PARD3B: variants seen among roughly 807,000 people sequenced by gnomAD.
The protein encoded by PARD3B is partitioning defective 3 homolog B.
In PARD3B, 103 loss-of-function variants were observed where a neutral mutation model predicts 130.2. The ratio of observed to expected loss-of-function variants is 0.79; its 90% CI spans 0.67 to 0.93. The LOEUF (loss-of-function observed/expected upper bound fraction) is 0.93. Ranked by LOEUF, PARD3B falls within the 40% of genes least tolerant of loss-of-function variation. The pLI, the probability that PARD3B is intolerant of heterozygous loss-of-function variation, is 0.00. For missense variants in PARD3B, 1,609 were observed against 1,499.2 expected, an observed-to-expected ratio of 1.07 and a Z score of -1.21; for synonymous variants, 583 against 553.2, an observed-to-expected ratio of 1.05 and a Z score of -0.76.
rs1253818887 is a variant in PARD3B, at chr2:205,268,589, A to G, written c.2185+22767A>G. 1.3e-5 allele frequency among the ~76,000 whole-genome samples: 2 copies of G among 152,208 alleles called. No individual in the cohort carries two copies. The highest frequency in any genetic ancestry group is 1.9e-4 in the East Asian group (1 of 5,198). On this transcript the variant is annotated intron_variant, in intron 16 of 22. Transcript: ENST00000406610. This position sits in a 1 kb window ranked among gnomAD's most constrained non-coding sequence, Gnocchi z 4.1. ...ATCAGGTGGAAAGTGCTCTAATGCC[A>G]CTAGTATTAGGAGGCGGTAATTTGC...
chr2:204,973,579 A>C (rs1422476890), intron 3 of PARD3B, among the ~76,000 whole-genome samples: 1 of 151,826 alleles, frequency 6.6e-6, no homozygotes, highest in Non-Finnish European at 1.5e-5. Context: ...CAGGCAAAAA[A>C]AAAAAAAATC....
At chr2:204,980,949 G>T (rs978986016) in intron 3 of PARD3B, among the ~76,000 whole-genome samples, 1 of 152,122 alleles carries the variant, frequency 6.6e-6, no homozygotes, top group Non-Finnish European at 1.5e-5. Context: ...AATTAGTTTT[G>T]ACATACATAC....
chr2:204,986,587 A>C (rs962687188), intron 3 of PARD3B, among the ~76,000 whole-genome samples: 3 of 152,212 alleles, frequency 2.0e-5, no homozygotes, highest in African/African-American at 7.2e-5. Flanking sequence ...TACGCAATTA[A>C]TACTATATAT....
At chr2:205,130,521 G>A (rs891610610) in intron 10 of PARD3B, among the ~76,000 whole-genome samples, 1 of 152,144 alleles carries the variant, frequency 6.6e-6, no homozygotes, top group Non-Finnish European at 1.5e-5. Context: ...TGCTATGTAT[G>A]TGTGTGTACA....
chr2:204,757,433 T>G (rs1464049244), intron 2 of PARD3B, among the ~76,000 whole-genome samples: 3 of 152,188 alleles, frequency 2.0e-5, no homozygotes, highest in African/African-American at 7.2e-5. Context: ...CTTTTTGACC[T>G]TCTTATAGTA....
At chr2:205,243,023 G>A (rs1362924205) in intron 15 of PARD3B, among the ~76,000 whole-genome samples, 1 of 152,122 alleles carries the variant, frequency 6.6e-6, no homozygotes, top group Admixed American at 6.6e-5. Context: ...AAAATTAGCA[G>A]GGCATGGTGG....
chr2:204,887,301 A>G lies in PARD3B; in HGVS notation c.223-77851A>G, dbSNP rs182239479. On this transcript the variant is annotated intron_variant, in intron 2 of 22. Coordinates refer to ENST00000406610, the MANE Select transcript of PARD3B (RefSeq NM_001302769.2). The surrounding 1 kb of genome is among the most constrained non-coding windows in gnomAD (Gnocchi z 4.2). ...AATGTGATTATTTTCATTTAAGCCT[A>G]TTTTGGAAGCTGAGTCACTTGCCAC... Among the ~76,000 whole-genome samples, 1 of 152,296 alleles carries G rather than the reference A, an allele frequency of 6.6e-6. No homozygotes were observed. The highest frequency in any genetic ancestry group is 2.4e-5 in the African/African-American group (1 of 41,572).
At chr2:205,414,834 A>G (rs1444383114) in intron 19 of PARD3B, among the ~76,000 whole-genome samples, 2 of 152,108 alleles carry the variant, frequency 1.3e-5, no homozygotes, top group Non-Finnish European at 2.9e-5. Context: ...AAAAATATAT[A>G]TATTCTAGGC....
intron 3 of PARD3B, among the ~76,000 whole-genome samples, chr2:205,030,594 A>T (rs923252196): frequency 5.3e-5 from 8 of 152,256 alleles, no homozygotes; most frequent in African/African-American, 1.7e-4. Context: ...GAATAGGAGA[A>T]CTATTTCAGT....
Position 205,176,298 on chromosome 2 carries a change from G to T in PARD3B, c.1792-147G>T. 1.5e-6 allele frequency: 1 copy of T among 677,994 alleles called. No individual in the cohort carries two copies. The highest frequency in any genetic ancestry group is 2.3e-6 in the Non-Finnish European group (1 of 434,680). The allele number at this position is 677,994 out of a possible 1,614,324, so 42.0% of individuals were successfully genotyped here. A position where few individuals can be genotyped will look rare whatever the true frequency, so the allele number is the denominator to read the frequency against. On this transcript the variant is annotated intron_variant, in intron 12 of 22. Coordinates refer to ENST00000406610, the MANE Select transcript of PARD3B (RefSeq NM_001302769.2). This position sits in a 1 kb window ranked among gnomAD's most constrained non-coding sequence, Gnocchi z 5.3. ...ACTCAAAGATGTTTTCACTGATAGG[G>T]CCATTTTGAGTTTCCACAGTTGAGG...
intron 3 of PARD3B, among the ~76,000 whole-genome samples, chr2:204,999,571 C>T (rs1233501410): frequency 6.6e-6 from 1 of 152,202 alleles, no homozygotes; most frequent in Non-Finnish European, 1.5e-5. Context: ...GAGATGAGAA[C>T]GTTTTCCCTG....
At chr2:205,427,654 TGAA>T (rs1376034480) in intron 19 of PARD3B, among the ~76,000 whole-genome samples, 1 of 152,010 alleles carries the variant, frequency 6.6e-6, no homozygotes, top group African/African-American at 2.4e-5. Flanking sequence ...AAGACAGAAA[TGAA>T]AGCTATATAT....
At chr2:204,765,407 C>A (rs978059438) in intron 2 of PARD3B, among the ~76,000 whole-genome samples, 6 of 152,114 alleles carry the variant, frequency 3.9e-5, no homozygotes, top group African/African-American at 1.2e-4. Flanking sequence ...CAGTGGAAGA[C>A]GTGGTGTTCC....
intron 20 of PARD3B, among the ~76,000 whole-genome samples, chr2:205,490,708 A>G (rs1452240945): frequency 6.6e-6 from 1 of 152,162 alleles, no homozygotes; most frequent in African/African-American, 2.4e-5. Context: ...CAATGCTTGA[A>G]CTAGTTTACA....
At chr2:205,167,022 A>T (rs2034857864) in intron 11 of PARD3B, among the ~76,000 whole-genome samples, 1 of 152,142 alleles carries the variant, frequency 6.6e-6, no homozygotes. Context: ...TGCTTCTCTC[A>T]TATTCTTCAG....
At chr2:205,050,814 G>A (rs890069550) in intron 4 of PARD3B, among the ~76,000 whole-genome samples, 7 of 151,852 alleles carry the variant, frequency 4.6e-5, no homozygotes, top group Non-Finnish European at 1.0e-4. Flanking sequence ...GCAAAATTGG[G>A]TATAGCATGC....
At chr2:204,830,436 C>G (rs558003101) in intron 2 of PARD3B, among the ~76,000 whole-genome samples, 1 of 152,044 alleles carries the variant, frequency 6.6e-6, no homozygotes, top group East Asian at 1.9e-4. Context: ...ATTAAGATAC[C>G]TTCAGGAATT....
chr2:205,124,303 C>A, intron 8 of PARD3B, 24 bp from the exon 9 acceptor site: 1 of 1,479,976 alleles, frequency 6.8e-7, no homozygotes, highest in Non-Finnish European at 9.0e-7. Flanking sequence ...GATGACTATA[C>A]ATTTTCCTGT....
rs142383410 is a variant in PARD3B, at chr2:204,789,437, A to AATT, written c.222+103158_222+103160dup. 7.4e-3 allele frequency among the ~76,000 whole-genome samples: 1,129 copies of AATT among 152,336 alleles called. 11 individuals carry two copies. Among genetic ancestry groups the AATT allele is most frequent in the African/African-American group, 0.026 (1,066 of 41,568 alleles). On this transcript the variant is annotated intron_variant, in intron 2 of 22. Transcript: ENST00000406610. ...AAATCAGCTTTTAAGATACTGTAAC[A>AATT]ATTATGTCAACCACAATGTAGCAAA...
Sources: gnomAD v4.1 joint callset for allele counts (sites outside exome capture counted in the v4.1 genomes callset) on GRCh38, gnomAD v4.1.1 for gene constraint, Gnocchi (gnomAD v3.1) non-coding constraint, MANE v1.5 for transcripts, NCBI Gene and HGNC (gene_info 2026-07-23, HGNC 2026-07-21) for gene names.